Variants in KPNA7 observed in about 807,000 individuals in gnomAD.
KPNA7 encodes the protein importin subunit alpha-8.
KPNA7 carries 54 observed loss-of-function variants against 53.7 expected under a neutral mutation model. The observed-to-expected ratio is 1.01, with a 90% CI of 0.81 to 1.26. KPNA7 has a LOEUF of 1.26. KPNA7 is among the 50% of genes most tolerant of loss of function. The pLI is 0.00. For synonymous variants in KPNA7, 276 were observed against 259.3 expected (o/e 1.06, Z -0.62); for missense variants, 640 against 644.5 (o/e 0.99, Z 0.07).
At chr7:99,157,355 A>T in the KPNA7 span, among the ~76,000 whole-genome samples, 1 of 152,116 alleles carries the variant, frequency 6.6e-6, no homozygotes, top group African/African-American at 2.4e-5. Context: ...GATTACAGGC[A>T]TGCGCCACCA....
the KPNA7 span, among the ~76,000 whole-genome samples, chr7:99,148,677 G>A: frequency 6.6e-6 from 1 of 151,916 alleles, no homozygotes; most frequent in African/African-American, 2.4e-5. Flanking sequence ...CTTCAGCCTC[G>A]AACTCCTGGG....
chr7:99,148,381 A>G, the KPNA7 span, among the ~76,000 whole-genome samples: 1 of 152,160 alleles, frequency 6.6e-6, no homozygotes, highest in African/African-American at 2.4e-5. Context: ...CAGTGGGCAA[A>G]TCTGTCTTTG....
the KPNA7 span, among the ~76,000 whole-genome samples, chr7:99,165,173 T>TGATCATTGG: frequency 2.0e-5 from 3 of 151,944 alleles, no homozygotes; most frequent in African/African-American, 7.3e-5. Context: ...TCTGCAGCTC[T>TGATCATTGG]GATCATTGGG....
At chr7:99,187,797 TTTAAA>T (rs201212784) in intron 7 of KPNA7, among the ~76,000 whole-genome samples, 12,064 of 79,914 alleles carry the variant, frequency 0.15, 1,057 homozygotes, top group Middle Eastern at 0.25. Flanking sequence ...GGCCTTTTTT[TTTAAA>T]AAAAAAAAAA....
chr7:99,195,352 G>C lies in KPNA7; in HGVS notation c.285-14C>G. The C allele has an allele frequency of 1.3e-6, 2 of 1,549,654 alleles. No homozygotes were observed. Among genetic ancestry groups the C allele is most frequent in the Non-Finnish European group, 1.7e-6 (2 of 1,145,458 alleles). On this transcript the variant is annotated splice_polypyrimidine_tract_variant and intron_variant, in intron 4 of 10. Transcript: ENST00000327442. ...GATAGCATTTTCCTATGCAATGAAAGAGAGGGCAGGGGAGGGGGAGGTCAA... is the reference window on the plus strand; with the variant it reads ...GATAGCATTTTCCTATGCAATGAAACAGAGGGCAGGGGAGGGGGAGGTCAA...
At chr7:99,190,434 T>C (rs1789881759) in intron 6 of KPNA7, among the ~76,000 whole-genome samples, 1 of 152,002 alleles carries the variant, frequency 6.6e-6, no homozygotes, top group Non-Finnish European at 1.5e-5. Flanking sequence ...AAATTAGCTG[T>C]TTCTACTTAG....
intron 4 of KPNA7, among the ~76,000 whole-genome samples, chr7:99,195,859 A>G (rs1320998365): frequency 6.6e-6 from 1 of 152,200 alleles, no homozygotes; most frequent in East Asian, 1.9e-4. Context: ...GTAGAGGCCA[A>G]TGTAAATTAA....
At chr7:99,182,114 A>C in intron 8 of KPNA7, 49 bp from the exon 9 acceptor site, 1 of 1,406,356 alleles carries the variant, frequency 7.1e-7, no homozygotes, top group Non-Finnish European at 9.6e-7. Context: ...AAGAACCTAA[A>C]TAGAGGACAC....
At chr7:99,218,571 G>A (rs983173999) in intron 1 of KPNA7, among the ~76,000 whole-genome samples, 2 of 152,152 alleles carry the variant, frequency 1.3e-5, no homozygotes, top group Admixed American at 6.6e-5. Context: ...GCAAGCCCGC[G>A]TCTGGGCTCT....
chr7:99,183,361 C>T (rs1348784538), intron 8 of KPNA7, among the ~76,000 whole-genome samples: 4 of 152,010 alleles, frequency 2.6e-5, no homozygotes, highest in Admixed American at 6.6e-5. Flanking sequence ...AGGATTTATT[C>T]CCATTTTATG....
At chr7:99,180,518 T>G (rs1799122659) in intron 9 of KPNA7, among the ~76,000 whole-genome samples, 1 of 139,464 alleles carries the variant, frequency 7.2e-6, no homozygotes, top group Non-Finnish European at 1.6e-5. Context: ...TCTCTCTCTG[T>G]GTCTCTATCT....
chr7:99,199,923 T>C (rs1790423176), intron 3 of KPNA7, among the ~76,000 whole-genome samples: 1 of 141,026 alleles, frequency 7.1e-6, no homozygotes, highest in Admixed American at 6.8e-5. Context: ...AGGGCTGGAA[T>C]TTTTTTTTTG....
At chr7:99,188,721 A>G (rs373574987) in intron 6 of KPNA7, among the ~76,000 whole-genome samples, 158 bp from the exon 7 acceptor site, 3 of 152,328 alleles carry the variant, frequency 2.0e-5, no homozygotes, top group Admixed American at 6.5e-5. Context: ...TCTGTCACCC[A>G]GGCTGGAGTG....
rs753706699 is a variant in KPNA7 at position 99,196,154 on chromosome 7, G to C, written c.214C>G (p.Leu72Val). The stretch of plus-strand genomic sequence containing the variant: ...TTCACACCTTTGATTATTTCACCCA[G>C]AGTGAGGCTGACCTGCAAGAAGAGA... ...TAKGVAVSLTLGEIIKGVNSS... is the reference protein window; with the variant it reads ...TAKGVAVSLTVGEIIKGVNSS... The change falls in exon 4 of 11, where the codon CTG becomes GTG. Residue 72 changes from leucine (L) to valine (V), a missense_variant. Leu to Val is a conservative substitution (Grantham distance 32). Coordinates refer to ENST00000327442, the MANE Select transcript of KPNA7 (RefSeq NM_001145715.3). 3 of 1,551,558 alleles carry C rather than the reference G, an allele frequency of 1.9e-6. No homozygotes were observed. The highest frequency in any genetic ancestry group is 2.0e-5 in the Admixed American group (1 of 51,002).
At chr7:99,177,376 A>G (rs1404139639) in intron 10 of KPNA7, among the ~76,000 whole-genome samples, 1 of 152,066 alleles carries the variant, frequency 6.6e-6, no homozygotes, top group Non-Finnish European at 1.5e-5. Flanking sequence ...TGAGGCCAGG[A>G]GTTTGAGACC....
At chr7:99,190,670 G>C (rs34324126) in intron 6 of KPNA7, among the ~76,000 whole-genome samples, 10 of 145,506 alleles carry the variant, frequency 6.9e-5, no homozygotes, top group Admixed American at 2.0e-4. Context: ...TTTTTTTTTG[G>C]GGGGAGACAG....
chr7:99,149,535 T>A, the KPNA7 span, among the ~76,000 whole-genome samples: 1 of 152,204 alleles, frequency 6.6e-6, no homozygotes, highest in Non-Finnish European at 1.5e-5. Flanking sequence ...TGGCAGTTCT[T>A]ATTAGTATGT....
At chr7:99,148,804 C>G in the KPNA7 span, among the ~76,000 whole-genome samples, 5 of 148,822 alleles carry the variant, frequency 3.4e-5, no homozygotes, top group African/African-American at 1.3e-4. Context: ...ACTCTGTCGG[C>G]CAGGCTAGTC....
At chr7:99,203,398 A>AC (rs1563087366) in intron 2 of KPNA7, among the ~76,000 whole-genome samples, 158 bp from the exon 3 acceptor site, 2 of 152,194 alleles carry the variant, frequency 1.3e-5, no homozygotes, top group East Asian at 3.9e-4. Context: ...AGCTCTGTTT[A>AC]CCTCCTCTTC....
Sources: gnomAD v4.1 joint callset for allele counts (sites outside exome capture counted in the v4.1 genomes callset) on GRCh38, gnomAD v4.1.1 for gene constraint, MANE v1.5 for transcripts, NCBI Gene and HGNC (gene_info 2026-07-23, HGNC 2026-07-21) for gene names.